LPAR6: variants seen among roughly 807,000 people sequenced by gnomAD.
The protein encoded by LPAR6 is G-protein coupled purinergic receptor P2Y5.
LPAR6 carries 17 observed loss-of-function variants against 22.0 expected under a neutral mutation model. The observed-to-expected ratio is 0.77, with a 90% CI of 0.53 to 1.16. The LOEUF is 1.16. Ranked by LOEUF, LPAR6 falls within the 50% of genes most tolerant of loss-of-function variation. The probability of loss-of-function intolerance (pLI) is 0.00; values close to 1 mark genes in which losing one functional copy is unlikely to be tolerated. For missense variants in LPAR6, 384 were observed against 406.9 expected (o/e 0.94, Z 0.48); for synonymous variants, 136 against 139.8 (o/e 0.97, Z 0.19).
At chr13:48,419,586 A>G (rs999174080) in intron 2 of LPAR6, among the ~76,000 whole-genome samples, 1 of 152,210 alleles carries the variant, frequency 6.6e-6, no homozygotes, top group African/African-American at 2.4e-5. Context: ...CAAAAAATCA[A>G]TGAATCCAGG....
upstream of LPAR6, among the ~76,000 whole-genome samples, chr13:48,430,085 C>T (rs1160231386): frequency 1.3e-5 from 2 of 151,992 alleles, no homozygotes; most frequent in African/African-American, 4.8e-5. Flanking sequence ...GAAAAAAATC[C>T]CCTCCTAATT....
chr13:48,411,870 ACAATC>A lies in LPAR6; in HGVS notation c.549_553del (p.Arg183SerfsTer21), dbSNP rs1163127792. The A allele has an allele frequency of 6.2e-7, 1 of 1,613,890 alleles. No individual in the cohort carries two copies. The highest frequency in any genetic ancestry group is 8.5e-7 in the Non-Finnish European group (1 of 1,179,842). ...AAATCCCACTATTTCGATGAAAATT[ACAATC>A]CTTGAGAGATATGTTTTCCATGTGG... On this transcript the variant is annotated frameshift_variant, in exon 1 of 1. Transcript: ENST00000620633. LOFTEE classifies it high-confidence loss of function.
At chr13:48,395,216 A>G (rs1266629377) in intron 1 of LPAR6, among the ~76,000 whole-genome samples, 5 of 152,196 alleles carry the variant, frequency 3.3e-5, no homozygotes, top group Admixed American at 6.5e-5. Context: ...AACAAAAAGG[A>G]CGTCCACACA....
chr13:48,418,562 A>G (rs924124466), intron 2 of LPAR6, among the ~76,000 whole-genome samples: 7 of 152,194 alleles, frequency 4.6e-5, no homozygotes, highest in Admixed American at 3.9e-4. Flanking sequence ...TAAACGGGCT[A>G]AGTGCCACAA....
chr13:48,389,846 G>A (rs1171605679), intron 1 of LPAR6: 1 of 152,274 alleles, frequency 6.6e-6, no homozygotes, highest in Admixed American at 6.5e-5. Context: ...CATAGTGAAA[G>A]TAGAGGTTTT....
intron 1 of LPAR6, among the ~76,000 whole-genome samples, chr13:48,423,462 A>G (rs1221436799): frequency 6.6e-6 from 1 of 152,186 alleles, no homozygotes; most frequent in African/African-American, 2.4e-5. Context: ...TGCACAAGAA[A>G]CATGTATAAG....
intron 1 of LPAR6, among the ~76,000 whole-genome samples, chr13:48,425,470 G>A (rs980054959): frequency 1.3e-5 from 2 of 152,240 alleles, no homozygotes; most frequent in Non-Finnish European, 2.9e-5. Context: ...GGCTAGGTGG[G>A]TTGTAGCTTT....
At chr13:48,436,033 C>T (rs995764228) in intron 1 of LPAR6, among the ~76,000 whole-genome samples, 11 of 152,012 alleles carry the variant, frequency 7.2e-5, no homozygotes, top group Admixed American at 1.3e-4. Context: ...TATAAAGACA[C>T]GAATATGTTA....
intron 1 of LPAR6, among the ~76,000 whole-genome samples, chr13:48,424,755 T>A (rs1218063746): frequency 1.3e-5 from 2 of 152,102 alleles, no homozygotes; most frequent in African/African-American, 4.8e-5. Flanking sequence ...GCAATTCAAT[T>A]AAGAATGAAA....
chr13:48,416,535 G>C (rs1273769789), upstream of LPAR6: 1 of 152,618 alleles, frequency 6.6e-6, no homozygotes, highest in Admixed American at 6.5e-5. Flanking sequence ...CTAGCTGCAG[G>C]ATTTTTTCTT....
intron 1 of LPAR6, among the ~76,000 whole-genome samples, chr13:48,426,315 G>A (rs1418388976): frequency 6.6e-6 from 1 of 152,164 alleles, no homozygotes. Flanking sequence ...AATAAGATTT[G>A]TTTTGTTTTC....
chr13:48,424,541 AT>A (rs1369298370), intron 1 of LPAR6, among the ~76,000 whole-genome samples: 1 of 152,172 alleles, frequency 6.6e-6, no homozygotes, highest in African/African-American at 2.4e-5. Context: ...TTGTGGTAAG[AT>A]TTAAAACTTG....
At chr13:48,431,254 A>AT (rs1376167123), upstream of LPAR6, among the ~76,000 whole-genome samples, 27 of 152,038 alleles carry the variant, frequency 1.8e-4, no homozygotes, top group Admixed American at 5.2e-4. Context: ...TAATATTTGT[A>AT]TTTTTTTTAA....
In LPAR6 at chr13:48,411,283, T is replaced by G; in HGVS notation, c.*106A>C. On this transcript the variant is annotated 3_prime_UTR_variant, in exon 1 of 1. Transcript: ENST00000620633. ...TATACTAAAGACTTTAAAATGTCCA[T>G]GTGTTAATTTCTTTTGGAGGTGGAA... 1 of 889,810 alleles carries G rather than the reference T, an allele frequency of 1.1e-6. No individual in the cohort carries two copies. Among genetic ancestry groups the G allele is most frequent in the Admixed American group, 1.8e-5 (1 of 56,620 alleles). The allele number at this position is 889,810 out of a possible 1,614,324, so 55.1% of individuals were successfully genotyped here. A position where few individuals can be genotyped will look rare whatever the true frequency, so the allele number is the denominator to read the frequency against.
In LPAR6 at chr13:48,411,576, T is replaced by C; in HGVS notation, c.848A>G (p.Asn283Ser). The C allele has an allele frequency of 6.2e-7, 1 of 1,613,654 alleles. No homozygotes were observed. Among genetic ancestry groups the C allele is most frequent in the Non-Finnish European group, 8.5e-7 (1 of 1,179,740 alleles). The part of the protein sequence containing the change: ...YPITLCIAVS[N>S]CCFDPIVYYF... ...GTAAACTATAGGGTCAAAACAACAG[T>C]TGGAAACAGCAATACAGAGAGTGAT... Residue 283 changes from asparagine to serine, a missense_variant, in exon 1 of 1, where the codon AAC becomes AGC. Coordinates refer to ENST00000620633, the MANE Select transcript of LPAR6 (RefSeq NM_001162498.3).
At chr13:48,395,137 A>T (rs1428697154) in intron 1 of LPAR6, among the ~76,000 whole-genome samples, 1 of 152,180 alleles carries the variant, frequency 6.6e-6, no homozygotes, top group African/African-American at 2.4e-5. Context: ...AAACTCCAGC[A>T]CACCTGCAGC....
At chr13:48,433,328 A>G (rs191511007) in intron 1 of LPAR6, among the ~76,000 whole-genome samples, 2 of 152,306 alleles carry the variant, frequency 1.3e-5, no homozygotes, top group African/African-American at 2.4e-5. Flanking sequence ...AATTATTTAA[A>G]TATACCACTA....
chr13:48,429,519 A>C (rs1327231453), upstream of LPAR6: 1 of 152,026 alleles, frequency 6.6e-6, no homozygotes, highest in Non-Finnish European at 1.5e-5. Flanking sequence ...TTCTGTCCTC[A>C]CCCTGCACAT....
chr13:48,415,938 C>G (rs1217694991), upstream of LPAR6: 2 of 152,152 alleles, frequency 1.3e-5, no homozygotes, highest in Admixed American at 1.3e-4. Flanking sequence ...TGGAAAAATA[C>G]AGAGTAACTA....
Sources: gnomAD v4.1 joint callset for allele counts (sites outside exome capture counted in the v4.1 genomes callset) on GRCh38, gnomAD v4.1.1 for gene constraint, MANE v1.5 for transcripts, NCBI Gene and HGNC (gene_info 2026-07-23, HGNC 2026-07-21) for gene names.